Variants in KIAA1217 observed in about 807,000 individuals in gnomAD.
KIAA1217 encodes the protein sickle tail protein homolog.
KIAA1217 carries 88 observed loss-of-function variants against 163.9 expected under a neutral mutation model. That is an observed-to-expected ratio of 0.54 (90% CI 0.45 to 0.64). KIAA1217 has a LOEUF of 0.64. KIAA1217 is among the 30% of genes least tolerant of loss of function. KIAA1217 has a pLI of 0.00. For synonymous variants in KIAA1217, 903 were observed against 923.1 expected (o/e 0.98, Z 0.39); for missense variants, 2,372 against 2,475.0 (o/e 0.96, Z 0.88).
rs150641113 is a variant in KIAA1217, at chr10:23,712,047, T to C, written c.-321+16813T>C. On this transcript the variant is annotated intron_variant, in intron 1 of 18. Coordinates refer to the KIAA1217 transcript ENST00000376462. ...AATGACCTTCACCTTCCAAATCTCA[T>C]GTGAGACATTCTCAATGGTGGACTC... Among the ~76,000 whole-genome samples, 489 of 152,222 alleles carry C rather than the reference T, an allele frequency of 3.2e-3. 4 individuals are homozygous for C. Among genetic ancestry groups the C allele is most frequent in the Non-Finnish European group, 5.8e-3 (392 of 67,990 alleles).
Position 24,546,563 on chromosome 10 carries a change from G to T in KIAA1217, c.*239G>T. 2.3e-6 allele frequency: 1 copy of T among 430,714 alleles called. No individual in the cohort carries two copies. The highest frequency in any genetic ancestry group is 4.1e-6 in the Non-Finnish European group (1 of 245,844). 26.7% of individuals were successfully genotyped at this position (430,714 alleles called of 1,614,324 possible). On this transcript the variant is annotated 3_prime_UTR_variant, in exon 21 of 21. Transcript: ENST00000376454. Reference sequence around the variant, plus strand: ...ACTCAATACCTATAAAATGCAGTAAGCATGTGTTACAGAAAGAGGTTCTGG... The same window carrying T: ...ACTCAATACCTATAAAATGCAGTAATCATGTGTTACAGAAAGAGGTTCTGG...
chr10:23,836,622 A>G (rs1838465284), intron 1 of KIAA1217, among the ~76,000 whole-genome samples: 1 of 151,278 alleles, frequency 6.6e-6, no homozygotes, highest in African/African-American at 2.4e-5. Flanking sequence ...TGTATCCATC[A>G]TTAGAATAAC....
chr10:24,417,215 C>T (rs1172071779), intron 3 of KIAA1217, among the ~76,000 whole-genome samples: 1 of 152,084 alleles, frequency 6.6e-6, no homozygotes, highest in African/African-American at 2.4e-5. Context: ...CTGAGCCTCC[C>T]CCTCAGATAC....
chr10:23,890,434 T>A (rs141821683), intron 1 of KIAA1217, among the ~76,000 whole-genome samples: 87 of 152,006 alleles, frequency 5.7e-4, no homozygotes, highest in African/African-American at 1.6e-3. Context: ...ATAATTACAT[T>A]TCAAAATAGA....
chr10:23,752,573 C>T (rs1204245424), intron 1 of KIAA1217, among the ~76,000 whole-genome samples: 2 of 152,144 alleles, frequency 1.3e-5, no homozygotes, highest in Non-Finnish European at 2.9e-5. Context: ...TTTTCATTAA[C>T]TCAGAATTAA....
rs71869676 is a variant in KIAA1217 at position 24,105,058 on chromosome 10, AGATGATGAT to A, written c.-171+97711_-171+97719del. Among the ~76,000 whole-genome samples, 747 of 151,130 alleles carry A rather than the reference AGATGATGAT, an allele frequency of 4.9e-3. 5 individuals are homozygous for A. The highest frequency in any genetic ancestry group is 0.017 in the African/African-American group (705 of 41,112). ...CAAAATGATGAAACTTCCCACTGCA[AGATGATGAT>A]GATGATGATGATGATGATGATGATG... On this transcript the variant is annotated intron_variant, in intron 2 of 18. Coordinates refer to the KIAA1217 transcript ENST00000376462.
chr10:23,910,264 A>G (rs1380573954), intron 1 of KIAA1217, among the ~76,000 whole-genome samples: 1 of 152,018 alleles, frequency 6.6e-6, no homozygotes, highest in Non-Finnish European at 1.5e-5. Context: ...AAACTTGCAC[A>G]TTCTGCACGT....
chr10:24,329,617 C>T (rs781564524), intron 2 of KIAA1217, among the ~76,000 whole-genome samples: 1 of 152,118 alleles, frequency 6.6e-6, no homozygotes, highest in Admixed American at 6.6e-5. Flanking sequence ...TTTAACTACT[C>T]GGAACCTAGA....
chr10:24,187,005 G>A (rs1371481694), intron 2 of KIAA1217, among the ~76,000 whole-genome samples: 16 of 151,824 alleles, frequency 1.1e-4, no homozygotes, highest in East Asian at 5.8e-4. Flanking sequence ...TATGTTTTTC[G>A]GCATCATCTC....
chr10:24,210,887 G>C (rs567958172), intron 1 of KIAA1217, among the ~76,000 whole-genome samples: 1 of 151,238 alleles, frequency 6.6e-6, no homozygotes, highest in Non-Finnish European at 1.5e-5. Flanking sequence ...GCTGGATTTA[G>C]CAAATAAAAA....
chr10:24,379,746 C>A (rs189304599), intron 2 of KIAA1217, among the ~76,000 whole-genome samples: 1 of 151,942 alleles, frequency 6.6e-6, no homozygotes, highest in African/African-American at 2.4e-5. Flanking sequence ...TGTCAGGGTA[C>A]CTTGTTCAAA....
At chr10:23,929,764 G>A (rs761808189) in intron 1 of KIAA1217, among the ~76,000 whole-genome samples, 7 of 152,256 alleles carry the variant, frequency 4.6e-5, no homozygotes, top group East Asian at 1.9e-4. Flanking sequence ...TGCAATAAAC[G>A]TATGAATGTA....
chr10:24,011,586 G>A (rs1337831003), intron 2 of KIAA1217, among the ~76,000 whole-genome samples: 1 of 152,164 alleles, frequency 6.6e-6, no homozygotes, highest in Non-Finnish European at 1.5e-5. Context: ...GTGCCTCCAT[G>A]TTAACATTGC....
At position 24,513,251 on chromosome 10, in the gene KIAA1217, G is replaced by A; in HGVS notation, c.2002-8G>A. ...AGCCCACTGAGGTTGATTTTTTTGT[G>A]TTCACAGCTGCAGAACCAGGAGTTG... On this transcript the variant is annotated splice_region_variant and splice_polypyrimidine_tract_variant and intron_variant, in intron 9 of 20. Transcript: ENST00000376454. 1 of 1,612,738 alleles carries A rather than the reference G, an allele frequency of 6.2e-7. No individual in the cohort carries two copies. Among genetic ancestry groups the A allele is most frequent in the South Asian group, 1.1e-5 (1 of 91,004 alleles).
intron 2 of KIAA1217, among the ~76,000 whole-genome samples, chr10:24,202,183 T>C (rs11013955): frequency 0.023 from 3,429 of 152,312 alleles, 112 homozygotes; most frequent in African/African-American, 0.068. Context: ...AACCGGAGGC[T>C]GAGAACTGAT....
At chr10:23,854,833 C>A (rs1056867270) in intron 1 of KIAA1217, among the ~76,000 whole-genome samples, 1 of 152,154 alleles carries the variant, frequency 6.6e-6, no homozygotes, top group Non-Finnish European at 1.5e-5. Flanking sequence ...TCTAGGATTG[C>A]AACCCCTGCC....
At chr10:24,412,785 T>G (rs891188542) in intron 3 of KIAA1217, among the ~76,000 whole-genome samples, 1 of 152,206 alleles carries the variant, frequency 6.6e-6, no homozygotes, top group East Asian at 1.9e-4. Context: ...ATATCAGCTA[T>G]AGGATGATGA....
At chr10:24,207,282 T>TCTCTCTCTCTCACACACACA (rs529791287), upstream of KIAA1217, among the ~76,000 whole-genome samples, 1 of 140,166 alleles carries the variant, frequency 7.1e-6, no homozygotes, top group African/African-American at 2.9e-5. Flanking sequence ...TCTCTCTCTC[T>TCTCTCTCTCTCACACACACA]CACACACACA....
chr10:23,706,168 G>T (rs1221812327), intron 1 of KIAA1217, among the ~76,000 whole-genome samples: 1 of 151,954 alleles, frequency 6.6e-6, no homozygotes, highest in African/African-American at 2.4e-5. Context: ...GATTTTTAAA[G>T]GATTTTCTCT....
Sources: allele counts gnomAD v4.1 joint callset (sites outside exome capture counted in the v4.1 genomes callset), GRCh38; gene constraint gnomAD v4.1.1; transcripts MANE v1.5; gene names NCBI Gene and HGNC (gene_info 2026-07-23, HGNC 2026-07-21).